The following CSNK1A1 variants were observed in gnomAD, a reference collection of about 807,000 sequenced individuals.
The protein encoded by CSNK1A1 is casein kinase I isoform alpha.
Under a neutral mutation model 46.1 loss-of-function variants are expected in CSNK1A1, and 7 were observed. The ratio of observed to expected loss-of-function variants is 0.15; its 90% CI spans 0.09 to 0.29. The LOEUF is 0.29. Among genes scored for constraint, CSNK1A1 ranks in the 10% least tolerant of loss-of-function variants. The pLI is 1.00. For missense variants in CSNK1A1, 96 were observed against 417.1 expected (o/e 0.23, Z 6.71); for synonymous variants, 137 against 141.5 (o/e 0.97, Z 0.23).
chr5:149,500,983 C>A (rs1760838719), intron 9 of CSNK1A1: 2 of 985,280 alleles, frequency 2.0e-6, no homozygotes. Flanking sequence ...CATTCTGCTA[C>A]ACATTTCTGA....
Position 149,517,649 on chromosome 5 carries a change from T to A in CSNK1A1, c.456+2641A>T. On this transcript the variant is annotated intron_variant, in intron 4 of 9. Transcript: ENST00000377843. The surrounding 1 kb of genome is among the most constrained non-coding windows in gnomAD (Gnocchi z 4.4). ...AGTAATGTTATGTTTGCCAAGTATG[T>A]CTGAATAATGCCAACGTAAGAGGTG... The A allele has an allele frequency of 8.6e-6, 5 of 580,634 alleles. No homozygotes were observed. The highest frequency in any genetic ancestry group is 1.5e-5 in the Non-Finnish European group (5 of 322,584). 36.0% of individuals were successfully genotyped at this position (580,634 alleles called of 1,614,324 possible).
intron 2 of CSNK1A1, among the ~76,000 whole-genome samples, chr5:149,543,090 C>G (rs1317981582): frequency 6.6e-6 from 1 of 152,112 alleles, no homozygotes; most frequent in Non-Finnish European, 1.5e-5. Context: ...TAATTAAATA[C>G]AAATAGGTTA....
intron 3 of CSNK1A1, among the ~76,000 whole-genome samples, chr5:149,524,346 TCAAAA>T (rs1483774940): frequency 2.6e-5 from 4 of 152,166 alleles, no homozygotes; most frequent in Non-Finnish European, 4.4e-5. Context: ...CAAATACTGA[TCAAAA>T]CAAAAAATTA....
intron 2 of CSNK1A1, among the ~76,000 whole-genome samples, chr5:149,536,898 C>A (rs1010862432): frequency 6.6e-6 from 1 of 152,130 alleles, no homozygotes; most frequent in Non-Finnish European, 1.5e-5. Context: ...AGGTTCTAGT[C>A]CTGGCTTGTT....
chr5:149,502,070 A>G, intron 9 of CSNK1A1: 2 of 984,132 alleles, frequency 2.0e-6, no homozygotes, highest in South Asian at 9.4e-5. Context: ...AAGTCTGCCT[A>G]TTATTTAATA....
rs1488605745 is a variant in CSNK1A1 at position 149,495,924 on chromosome 5, T to C, written c.*929A>G. On this transcript the variant is annotated 3_prime_UTR_variant, in exon 10 of 10. Transcript: ENST00000377843. The stretch of plus-strand genomic sequence containing the variant: ...GTAGTCTATCAAAAAATTGGGGAGA[T>C]TTTTATTTAATAGTGAGTCAGCAAG... 1 of 152,468 alleles carries C rather than the reference T, an allele frequency of 6.6e-6. No individual in the cohort carries two copies. Among genetic ancestry groups the C allele is most frequent in the Non-Finnish European group, 1.5e-5 (1 of 68,016 alleles). 9.4% of individuals were successfully genotyped at this position (152,468 alleles called of 1,614,324 possible).
At position 149,535,989 on chromosome 5, in the gene CSNK1A1, C is replaced by T. The variant is rs113644906; in HGVS notation, c.231-10818G>A. 8.1e-4 allele frequency among the ~76,000 whole-genome samples: 123 copies of T among 151,568 alleles called. 2 individuals are homozygous for T. Among genetic ancestry groups the T allele is most frequent in the African/African-American group, 2.8e-3 (114 of 41,300 alleles). ...TTTTTTTGAGACAGAGTTTTGCTCT[C>T]GTTGCCCAGGCTGGAATACAATGGC... On this transcript the variant is annotated intron_variant, in intron 2 of 9. Coordinates refer to ENST00000377843, the MANE Select transcript of CSNK1A1 (RefSeq NM_001892.6).
At chr5:149,538,642 G>A (rs1172814482) in intron 2 of CSNK1A1, among the ~76,000 whole-genome samples, 1 of 152,204 alleles carries the variant, frequency 6.6e-6, no homozygotes, top group Non-Finnish European at 1.5e-5. Flanking sequence ...ACAGTGAATG[G>A]CTGGGCACAG....
At position 149,550,011 on chromosome 5, in the gene CSNK1A1, C is replaced by T; in HGVS notation, c.230+64G>A. On this transcript the variant is annotated intron_variant, in intron 2 of 9. Coordinates refer to ENST00000377843, the MANE Select transcript of CSNK1A1 (RefSeq NM_001892.6). The surrounding 1 kb of genome is among the most constrained non-coding windows in gnomAD (Gnocchi z 4.3). The stretch of plus-strand genomic sequence containing the variant: ...CGGATTCAGCTGGTCTCATTACCTG[C>T]CTCTACCCACTTCCCCATTCCGTGC... The T allele has an allele frequency of 1.3e-6, 2 of 1,574,438 alleles. No homozygotes were observed. Among genetic ancestry groups the T allele is most frequent in the African/African-American group, 1.3e-5 (1 of 74,094 alleles).
rs749520802 is a variant in CSNK1A1 at position 149,496,894 on chromosome 5, A to G, written c.1007-34T>C. The G allele has an allele frequency of 2.0e-6, 3 of 1,532,774 alleles. No individual in the cohort carries two copies. In the Admixed American group the frequency reaches 6.2e-5, roughly 32 times the overall value. The allele number at this position is 1,532,774 out of a possible 1,614,324, so 94.9% of individuals were successfully genotyped here. On this transcript the variant is annotated intron_variant, in intron 9 of 9. Coordinates refer to ENST00000377843, the MANE Select transcript of CSNK1A1 (RefSeq NM_001892.6). ...AAATCAAAACAAAAAAAAAGTTAAA[A>G]TTCCAAGTCAAAAATTTTAAATTAC...
At chr5:149,547,440 T>G (rs1255585034) in intron 2 of CSNK1A1, among the ~76,000 whole-genome samples, 1 of 152,210 alleles carries the variant, frequency 6.6e-6, no homozygotes, top group African/African-American at 2.4e-5. Flanking sequence ...CACTGAAAAA[T>G]GACAATGCTT....
At chr5:149,502,520 T>TTGGGG (rs1561751211) in intron 9 of CSNK1A1, 1 of 21,892 alleles carries the variant, frequency 4.6e-5, no homozygotes, top group Non-Finnish European at 6.5e-5. Flanking sequence ...TTTTTTTTTT[T>TTGGGG]GGGGGGGGGG....
At chr5:149,503,303 T>G (rs1760929257) in intron 9 of CSNK1A1, 1 of 985,456 alleles carries the variant, frequency 1.0e-6, no homozygotes, top group African/African-American at 1.7e-5. Context: ...TTTTCATGGT[T>G]TATGAGAGTT....
intron 6 of CSNK1A1, 132 bp from the exon 7 acceptor site, chr5:149,510,085 C>T: frequency 1.7e-6 from 1 of 598,202 alleles, no homozygotes. Context: ...TTTAAAAAAT[C>T]AAAGTATAAT....
At position 149,525,184 on chromosome 5, in the gene CSNK1A1, AAGG is replaced by A. The variant is rs756878901; in HGVS notation, c.231-16_231-14del. 22 of 1,592,364 alleles carry A rather than the reference AAGG, an allele frequency of 1.4e-5. No individual in the cohort carries two copies. The South Asian group carries it at 2.2e-4, about 16-fold the overall frequency. ...CTGACCATACCACCTAACGAAACAA[AAGG>A]AGAAGAGAGGATATTACAAAAAGCT... On this transcript the variant is annotated splice_polypyrimidine_tract_variant and intron_variant, in intron 2 of 9. Transcript: ENST00000377843. The surrounding 1 kb of genome is among the most constrained non-coding windows in gnomAD (Gnocchi z 4.2).
intron 7 of CSNK1A1, among the ~76,000 whole-genome samples, chr5:149,509,502 G>A (rs1373494900): frequency 6.6e-6 from 1 of 152,248 alleles, no homozygotes; most frequent in East Asian, 1.9e-4. Flanking sequence ...CCGGGCTCAA[G>A]TGATCCTCCT....
chr5:149,518,830 G>A (rs1380288326), intron 4 of CSNK1A1, among the ~76,000 whole-genome samples: 2 of 151,964 alleles, frequency 1.3e-5, no homozygotes, highest in Admixed American at 6.6e-5. Flanking sequence ...GTGATATCTA[G>A]GTCATCATTT....
At chr5:149,504,640 G>T (rs1760969932) in intron 9 of CSNK1A1, 1 of 985,266 alleles carries the variant, frequency 1.0e-6, no homozygotes, top group Non-Finnish European at 1.2e-6. Context: ...AAGTAGAAAG[G>T]AAATAAGACT....
chr5:149,539,618 T>C (rs1287446879), intron 2 of CSNK1A1, among the ~76,000 whole-genome samples: 1 of 152,154 alleles, frequency 6.6e-6, no homozygotes, highest in Non-Finnish European at 1.5e-5. Context: ...CAATTATTAA[T>C]TGTTACATAT....
Sources: allele counts gnomAD v4.1 joint callset (sites outside exome capture counted in the v4.1 genomes callset), GRCh38; gene constraint gnomAD v4.1.1; non-coding constraint Gnocchi (gnomAD v3.1); transcripts MANE v1.5; gene names NCBI Gene and HGNC (gene_info 2026-07-23, HGNC 2026-07-21).